Variants in LRRC40 observed in about 807,000 individuals in gnomAD.
LRRC40 encodes the protein leucine-rich repeat-containing protein 40.
LRRC40 carries 76 observed loss-of-function variants against 72.8 expected under a neutral mutation model. That is an observed-to-expected ratio of 1.04 (90% CI 0.87 to 1.26). The LOEUF (loss-of-function observed/expected upper bound fraction) is 1.26. Among genes scored for constraint, LRRC40 ranks in the 50% most tolerant of loss-of-function variants. The probability of loss-of-function intolerance (pLI) is 0.00; values close to 1 mark genes in which losing one functional copy is unlikely to be tolerated. For synonymous variants in LRRC40, 243 were observed against 254.2 expected (o/e 0.96, Z 0.42); for missense variants, 684 against 698.9 (o/e 0.98, Z 0.24).
At position 70,173,644 on chromosome 1, in the gene LRRC40, G is replaced by T. The variant is rs1238610559; in HGVS notation, c.1043C>A (p.Thr348Lys). 1 of 1,572,678 alleles carries T rather than the reference G, an allele frequency of 6.4e-7. No individual in the cohort carries two copies. The highest frequency in any genetic ancestry group is 8.7e-7 in the Non-Finnish European group (1 of 1,152,032). ...TACACTTATAATTTCTCTTCGAATT[G>T]TTCTCAAAGGATTTCCTTCTAATGC... ...FLALEGNPLR[T>K]IRREIISKGT... is the part of the protein sequence containing the mutation. The change falls in exon 8 of 15, where the codon ACA (threonine) becomes AAA (lysine). Residue 348 changes from threonine to lysine, a missense_variant. Physicochemically the swap from Thr to Lys is moderately conservative, Grantham distance 78. Transcript: ENST00000370952.
Position 70,175,895 on chromosome 1 carries a change from C to G in LRRC40, c.892G>C (p.Asp298His), listed in dbSNP as rs776585302. The change falls in exon 7 of 15, where the codon GAT becomes CAT. Residue 298 changes from aspartate to histidine, a missense_variant. Coordinates refer to ENST00000370952, the MANE Select transcript of LRRC40 (RefSeq NM_017768.5). ...LNSILVLDLR[D>H]NKLKSVPDEI... Reference sequence around the variant, plus strand: ...TCTGGAACAGATTTTAACTTGTTATCCCTCAGGTCTAGCACAAGAATTGAA... The same window carrying G: ...TCTGGAACAGATTTTAACTTGTTATGCCTCAGGTCTAGCACAAGAATTGAA... 10 of 1,603,370 alleles carry G rather than the reference C, an allele frequency of 6.2e-6. No individual in the cohort carries two copies. In the Admixed American group the frequency reaches 1.0e-4, roughly 17 times the overall value.
chr1:70,191,370 T>C (rs757336768), intron 1 of LRRC40, among the ~76,000 whole-genome samples: 1 of 152,176 alleles, frequency 6.6e-6, no homozygotes, highest in African/African-American at 2.4e-5. Context: ...TGTCTTTTTT[T>C]GGATGGAGAA....
chr1:70,171,883 C>T (rs1668007297), intron 9 of LRRC40, among the ~76,000 whole-genome samples: 1 of 152,126 alleles, frequency 6.6e-6, no homozygotes, highest in Admixed American at 6.5e-5. Flanking sequence ...TACATTCACA[C>T]TGAAACCTGT....
intron 9 of LRRC40, among the ~76,000 whole-genome samples, chr1:70,164,315 A>C (rs1558115173): frequency 1.3e-5 from 2 of 152,056 alleles, no homozygotes; most frequent in Non-Finnish European, 2.9e-5. Context: ...ACTTGAACCC[A>C]GGAGGCAAAG....
chr1:70,175,620 TTATCA>T (rs995716309), intron 7 of LRRC40, among the ~76,000 whole-genome samples, 185 bp downstream of exon 7: 13 of 152,198 alleles, frequency 8.5e-5, no homozygotes, highest in African/African-American at 3.1e-4. Context: ...TCTGCTTCTA[TTATCA>T]TATCAAGCTT....
At chr1:70,152,637 A>G (rs1049851102) in intron 11 of LRRC40, 94 bp from the exon 12 acceptor site, 5 of 694,612 alleles carry the variant, frequency 7.2e-6, no homozygotes, top group Non-Finnish European at 1.3e-5. Flanking sequence ...TCCTATATTT[A>G]ACTTCTGCTA....
At chr1:70,161,640 T>C (rs896215334) in intron 9 of LRRC40, among the ~76,000 whole-genome samples, 1 of 151,958 alleles carries the variant, frequency 6.6e-6, no homozygotes, top group Non-Finnish European at 1.5e-5. Context: ...GTTGAACGAG[T>C]GTCACCTAGA....
chr1:70,161,795 A>G (rs1667770528), intron 9 of LRRC40, among the ~76,000 whole-genome samples: 1 of 152,126 alleles, frequency 6.6e-6, no homozygotes, highest in South Asian at 2.1e-4. Context: ...CCATTTGGTT[A>G]TTTATTTGTT....
rs554585774 is a variant in LRRC40 at position 70,164,850 on chromosome 1, A to T, written c.1112-5412T>A. On this transcript the variant is annotated intron_variant, in intron 9 of 14. Coordinates refer to ENST00000370952, the MANE Select transcript of LRRC40 (RefSeq NM_017768.5). ...AACAATAAAAACAAATTTTTAAATTATAGTCCATTGATATTTACCTAGCCT... is the reference window on the plus strand; with the variant it reads ...AACAATAAAAACAAATTTTTAAATTTTAGTCCATTGATATTTACCTAGCCT... Among the ~76,000 whole-genome samples the T allele has an allele frequency of 3.9e-5, 6 of 152,362 alleles. No individual in the cohort carries two copies. The South Asian group carries it at 1.2e-3, about 32-fold the overall frequency.
intron 4 of LRRC40, among the ~76,000 whole-genome samples, chr1:70,184,000 G>C (rs1668306144): frequency 6.6e-6 from 1 of 152,110 alleles, no homozygotes; most frequent in Non-Finnish European, 1.5e-5. Context: ...CGTAATGCCA[G>C]AACTTTGGGA....
intron 9 of LRRC40, among the ~76,000 whole-genome samples, chr1:70,164,363 CT>C (rs569266582): frequency 6.6e-6 from 1 of 152,172 alleles, no homozygotes; most frequent in African/African-American, 2.4e-5. Context: ...GCACTCCAAC[CT>C]GGGCAACGAG....
At chr1:70,186,329 C>T (rs1324028811) in intron 3 of LRRC40, among the ~76,000 whole-genome samples, 1 of 152,128 alleles carries the variant, frequency 6.6e-6, no homozygotes, top group Non-Finnish European at 1.5e-5. Flanking sequence ...TCAACAATCC[C>T]CACTCTTGTC....
intron 9 of LRRC40, among the ~76,000 whole-genome samples, chr1:70,168,187 G>A (rs1667928888): frequency 6.6e-6 from 1 of 152,152 alleles, no homozygotes; most frequent in South Asian, 2.1e-4. Context: ...CCTGCCACCA[G>A]CTTCCTGTTG....
At chr1:70,179,978 T>C (rs1355364290) in intron 5 of LRRC40, among the ~76,000 whole-genome samples, 1 of 152,064 alleles carries the variant, frequency 6.6e-6, no homozygotes, top group Non-Finnish European at 1.5e-5. Flanking sequence ...CTATCTGCAA[T>C]TGAATGCAGG....
chr1:70,145,761 G>A lies in LRRC40; in HGVS notation c.*39C>T, dbSNP rs750545446. ...TACATCCTCCTTAGAATTAACCAGG[G>A]TTAATAATACATGACAAGGGTTATA... On this transcript the variant is annotated 3_prime_UTR_variant, in exon 15 of 15. Coordinates refer to ENST00000370952, the MANE Select transcript of LRRC40 (RefSeq NM_017768.5). 9.5e-7 allele frequency: 1 copy of A among 1,051,448 alleles called. No homozygotes were observed. Among genetic ancestry groups the A allele is most frequent in the Non-Finnish European group, 1.5e-6 (1 of 674,302 alleles). The allele number at this position is 1,051,448 out of a possible 1,614,324, so 65.1% of individuals were successfully genotyped here.
At chr1:70,181,605 G>A (rs1424218668) in intron 4 of LRRC40, among the ~76,000 whole-genome samples, 1 of 151,804 alleles carries the variant, frequency 6.6e-6, no homozygotes, top group African/African-American at 2.4e-5. Context: ...AAACTGTCAT[G>A]TGAAATGAAA....
chr1:70,204,159 C>T (rs1413029542), intron 1 of LRRC40, among the ~76,000 whole-genome samples: 1 of 152,196 alleles, frequency 6.6e-6, no homozygotes, highest in Non-Finnish European at 1.5e-5. Context: ...TTCTAGCACA[C>T]CACTTATGAT....
chr1:70,149,961 C>A (rs1417007669), intron 13 of LRRC40, among the ~76,000 whole-genome samples: 4 of 152,120 alleles, frequency 2.6e-5, no homozygotes, highest in Non-Finnish European at 5.9e-5. Context: ...TGCTCTGTCG[C>A]CTAGGCTGGA....
At chr1:70,174,080 T>C (rs901226666) in intron 7 of LRRC40, among the ~76,000 whole-genome samples, 1 of 151,990 alleles carries the variant, frequency 6.6e-6, no homozygotes, top group African/African-American at 2.4e-5. Context: ...GAAACAAAAT[T>C]CTAATTGAAA....
Sources: gnomAD v4.1 joint callset for allele counts (sites outside exome capture counted in the v4.1 genomes callset) on GRCh38, gnomAD v4.1.1 for gene constraint, MANE v1.5 for transcripts, NCBI Gene and HGNC (gene_info 2026-07-23, HGNC 2026-07-21) for gene names.